NAV2: variants seen among roughly 807,000 people sequenced by gnomAD.
NAV2 encodes helicase, APC down-regulated 1.
NAV2 carries 54 observed loss-of-function variants against 223.2 expected under a neutral mutation model. The observed-to-expected ratio is 0.24, with a 90% CI of 0.19 to 0.30. The LOEUF (loss-of-function observed/expected upper bound fraction) is 0.30. Among genes scored for constraint, NAV2 ranks in the 10% least tolerant of loss-of-function variants. The probability of loss-of-function intolerance (pLI) is 1.00; values close to 1 mark genes in which losing one functional copy is unlikely to be tolerated. For missense variants in NAV2, 2,806 were observed against 3,147.5 expected (o/e 0.89, Z 2.60); for synonymous variants, 1,279 against 1,239.3 (o/e 1.03, Z -0.67).
rs2625329 is a variant in NAV2, at chr11:19,947,652, C to T, written c.2256-1039C>T. Among the ~76,000 whole-genome samples, 279 of 152,250 alleles carry T rather than the reference C, an allele frequency of 1.8e-3. 1 individual carries two copies. The highest frequency in any genetic ancestry group is 6.2e-3 in the African/African-American group (256 of 41,542). On this transcript the variant is annotated intron_variant, in intron 9 of 37. Coordinates refer to ENST00000349880, the MANE Select transcript of NAV2 (RefSeq NM_145117.5). ...TCCAGTTTTCCTGTGAAGGTGCACA[C>T]GATAGTCTTGACTGGGCTGCAAGAA... is the stretch of plus-strand genomic sequence containing the variant.
intron 1 of NAV2, among the ~76,000 whole-genome samples, chr11:19,438,770 A>G (rs920634728): frequency 6.6e-6 from 1 of 152,198 alleles, no homozygotes; most frequent in African/African-American, 2.4e-5. Flanking sequence ...TGAGGTCTGG[A>G]AAGATCCTGA....
chr11:19,461,922 C>A (rs976281027), intron 1 of NAV2, among the ~76,000 whole-genome samples: 1 of 152,190 alleles, frequency 6.6e-6, no homozygotes, highest in African/African-American at 2.4e-5. Flanking sequence ...TCTCCTGCCT[C>A]AGCCTCCTGA....
At chr11:19,641,660 C>T (rs1416483965) in intron 1 of NAV2, among the ~76,000 whole-genome samples, 3 of 151,942 alleles carry the variant, frequency 2.0e-5, no homozygotes, top group African/African-American at 7.3e-5. Flanking sequence ...GGCGTTTGCA[C>T]TGGCTGCTCC....
At chr11:19,417,142 C>T (rs984806359) in intron 1 of NAV2, among the ~76,000 whole-genome samples, 1 of 152,134 alleles carries the variant, frequency 6.6e-6, no homozygotes, top group African/African-American at 2.4e-5. Context: ...AAGGAACTAT[C>T]ATCAGAATGA....
chr11:19,796,113 G>T (rs955408544), intron 1 of NAV2, among the ~76,000 whole-genome samples: 1 of 152,184 alleles, frequency 6.6e-6, no homozygotes, highest in African/African-American at 2.4e-5. Flanking sequence ...TCAATGGGGG[G>T]ATAGCCCAGG....
At position 19,948,944 on chromosome 11, in the gene NAV2, A is replaced by G; in HGVS notation, c.2509A>G (p.Ser837Gly). Residue 837 changes from serine to glycine, a missense_variant, in exon 10 of 38, where the codon AGT becomes GGT. Around this residue, in one of 4 missense-constraint regions of NAV2, gnomAD observed 1,167 missense variants for 1,180.5 expected, o/e 0.99. Transcript: ENST00000349880. Reference sequence around the variant, plus strand: ...AAGGCAGCTGGCCTCCCGGGGCAGTAGTGTCTGCCATGTGGACGTCTCAGA... The same window carrying G: ...AAGGCAGCTGGCCTCCCGGGGCAGTGGTGTCTGCCATGTGGACGTCTCAGA... ...LRRQLASRGSSVCHVDVSDKA... is the reference protein window; with the variant it reads ...LRRQLASRGSGVCHVDVSDKA... 1 of 1,613,894 alleles carries G rather than the reference A, an allele frequency of 6.2e-7. No homozygotes were observed. Among genetic ancestry groups the G allele is most frequent in the Non-Finnish European group, 8.5e-7 (1 of 1,179,876 alleles).
chr11:19,841,040 T>C (rs182436641), intron 2 of NAV2, among the ~76,000 whole-genome samples: 190 of 152,364 alleles, frequency 1.2e-3, no homozygotes, highest in East Asian at 3.9e-4. Context: ...GTGCTTTTCA[T>C]GGCACCTCTT....
Position 20,078,053 on chromosome 11 carries a change from G to T in NAV2, c.5128G>T (p.Ala1710Ser), listed in dbSNP as rs1193952008. 1.9e-6 allele frequency: 3 copies of T among 1,613,126 alleles called. No homozygotes were observed. Among genetic ancestry groups the T allele is most frequent in the Non-Finnish European group, 2.5e-6 (3 of 1,179,814 alleles). Residue 1710 changes from alanine (A) to serine (S), a missense_variant, in exon 24 of 38, where the codon GCC becomes TCC. Around this residue, in one of 4 missense-constraint regions of NAV2, gnomAD observed 824 missense variants for 1,069.4 expected, o/e 0.77. Coordinates refer to ENST00000349880, the MANE Select transcript of NAV2 (RefSeq NM_145117.5). The stretch of plus-strand genomic sequence containing the variant: ...GCTGCTAAAGAAACAGAACGCAGCT[G>T]CCCAGGCTGCCATTAATGGAGTAAT... ...IELLKKQNAA[A>S]QAAINGVINT...
At chr11:19,547,476 C>T (rs2044539385) in intron 1 of NAV2, among the ~76,000 whole-genome samples, 1 of 152,224 alleles carries the variant, frequency 6.6e-6, no homozygotes, top group Non-Finnish European at 1.5e-5. Flanking sequence ...TTTCCCACCA[C>T]TGCTCTTTTC....
In NAV2 at chr11:19,771,626, C is replaced by T. The variant is rs1278263810; in HGVS notation, c.267+57664C>T. 3.3e-5 allele frequency among the ~76,000 whole-genome samples: 5 copies of T among 151,858 alleles called. No individual in the cohort carries two copies. The South Asian group carries it at 6.3e-4, about 19-fold the overall frequency. Reference sequence around the variant, plus strand: ...AGAAGGAAGAAAGTATCTGAGTTGTCGGGGGAGCCAGGAAGTGACAAATTA... The same window carrying T: ...AGAAGGAAGAAAGTATCTGAGTTGTTGGGGGAGCCAGGAAGTGACAAATTA... On this transcript the variant is annotated intron_variant, in intron 1 of 37. Transcript: ENST00000349880.
At chr11:19,851,876 T>C (rs1239855503) in intron 3 of NAV2, among the ~76,000 whole-genome samples, 2 of 150,526 alleles carry the variant, frequency 1.3e-5, no homozygotes, top group African/African-American at 2.4e-5. Context: ...GCAGGCCCAA[T>C]GTGATTACAA....
At chr11:19,986,200 G>T (rs185738349) in intron 11 of NAV2, among the ~76,000 whole-genome samples, 7 of 152,320 alleles carry the variant, frequency 4.6e-5, no homozygotes, top group African/African-American at 1.7e-4. Flanking sequence ...GAGGATGAGG[G>T]TGGGGTTGAA....
At chr11:19,934,954 G>A (rs1418150963) in intron 7 of NAV2, among the ~76,000 whole-genome samples, 1 of 152,148 alleles carries the variant, frequency 6.6e-6, no homozygotes, top group Admixed American at 6.5e-5. Context: ...CAGGACCATG[G>A]GAGACTGTGT....
intron 10 of NAV2, among the ~76,000 whole-genome samples, chr11:19,975,397 GTATTT>G (rs1402759645): frequency 6.6e-6 from 1 of 152,212 alleles, no homozygotes; most frequent in East Asian, 1.9e-4. Context: ...ATCGGAGTAT[GTATTT>G]TATTAGGGCT....
chr11:19,410,910 G>T (rs930287874), intron 1 of NAV2, among the ~76,000 whole-genome samples: 1 of 150,048 alleles, frequency 6.7e-6, no homozygotes, highest in Non-Finnish European at 1.5e-5. Flanking sequence ...TGTGCACAGA[G>T]AGCAGCTTGA....
At chr11:19,501,064 C>CT (rs1261871605) in intron 1 of NAV2, among the ~76,000 whole-genome samples, 1 of 152,130 alleles carries the variant, frequency 6.6e-6, no homozygotes, top group Non-Finnish European at 1.5e-5. Flanking sequence ...GCCCACATTC[C>CT]TTTGTTCATG....
At chr11:19,350,850 A>C in exon 1 of NAV2, 1 of 1,141,026 alleles carries the variant, frequency 8.8e-7, no homozygotes, top group Non-Finnish European at 1.3e-6. Flanking sequence ...GCTGGCGGGA[A>C]CTCTGTCTGG....
Position 19,995,648 on chromosome 11 carries a change from G to A in NAV2, c.2768+11401G>A, listed in dbSNP as rs117012518. Reference sequence around the variant, plus strand: ...GGAGAAGTGCAAAGAGGACAGCTGCGGTGGAGAGTGGTGGGGTCTTGGACT... The same window carrying A: ...GGAGAAGTGCAAAGAGGACAGCTGCAGTGGAGAGTGGTGGGGTCTTGGACT... On this transcript the variant is annotated intron_variant, in intron 11 of 37. Coordinates refer to ENST00000349880, the MANE Select transcript of NAV2 (RefSeq NM_145117.5). Among the ~76,000 whole-genome samples, 1,038 of 152,228 alleles carry A rather than the reference G, an allele frequency of 6.8e-3. 9 individuals carry two copies. The highest frequency in any genetic ancestry group is 0.01 in the South Asian group (49 of 4,818).
At chr11:19,634,159 A>ACTGGGT (rs1359459967) in intron 1 of NAV2, among the ~76,000 whole-genome samples, 2 of 152,190 alleles carry the variant, frequency 1.3e-5, no homozygotes, top group Non-Finnish European at 2.9e-5. Flanking sequence ...GTTTCCCTGC[A>ACTGGGT]CTGGGCCTGG....
Sources: gnomAD v4.1 joint callset for allele counts (sites outside exome capture counted in the v4.1 genomes callset) on GRCh38, gnomAD v4.1.1 for gene constraint, gnomAD v4.1.1 regional missense constraint, MANE v1.5 for transcripts, NCBI Gene and HGNC (gene_info 2026-07-23, HGNC 2026-07-21) for gene names.